The following CTNNA2 variants were observed in gnomAD, a reference collection of about 807,000 sequenced individuals.
The protein encoded by CTNNA2 is catenin alpha 2, also known as catenin alpha-2.
A neutral mutation model predicts 101.0 loss-of-function variants in CTNNA2; 42 were observed. The observed-to-expected ratio is 0.42, with a 90% confidence interval of 0.32 to 0.54. The LOEUF is 0.54. Among genes scored for constraint, CTNNA2 ranks in the 20% least tolerant of loss-of-function variants. The pLI, the probability that CTNNA2 is intolerant of heterozygous loss-of-function variation, is 0.14. For synonymous variants in CTNNA2, 450 were observed against 456.4 expected (o/e 0.99, Z 0.18); for missense variants, 871 against 1,223.1 (o/e 0.71, Z 4.29).
In CTNNA2 at chr2:80,306,552, T is replaced by C. The variant is rs142470104; in HGVS notation, c.1057-86659T>C. On this transcript the variant is annotated intron_variant, in intron 7 of 18. Coordinates refer to ENST00000402739, the MANE Select transcript of CTNNA2 (RefSeq NM_001282597.3). ...ACTCTGGATCAGGCATTTGCATGTT[T>C]CATCCTGGCACCTCCAAGGTGCTGC... Among the ~76,000 whole-genome samples, 447 of 152,096 alleles carry C rather than the reference T, an allele frequency of 2.9e-3. 3 individuals carry two copies. The highest frequency in any genetic ancestry group is 0.01 in the African/African-American group (420 of 41,466).
intron 9 of CTNNA2, among the ~76,000 whole-genome samples, chr2:80,454,407 G>T (rs891559372): frequency 1.3e-5 from 2 of 152,130 alleles, no homozygotes; most frequent in Non-Finnish European, 2.9e-5. Context: ...TTAGCACTTC[G>T]CAAACTGCTC....
intron 7 of CTNNA2, among the ~76,000 whole-genome samples, chr2:80,021,249 A>C (rs900910137): frequency 6.6e-6 from 1 of 151,862 alleles, no homozygotes; most frequent in Non-Finnish European, 1.5e-5. Flanking sequence ...TAAACTCTTG[A>C]GCTCAAGCAA....
chr2:79,656,348 A>C (rs183100984), intron 2 of CTNNA2, among the ~76,000 whole-genome samples: 41 of 152,302 alleles, frequency 2.7e-4, no homozygotes, highest in Non-Finnish European at 3.8e-4. Flanking sequence ...CCAAGGCCCC[A>C]GTTGTATCAA....
At chr2:80,028,149 C>T (rs1295605814) in intron 7 of CTNNA2, 3 of 152,092 alleles carry the variant, frequency 2.0e-5, no homozygotes, top group African/African-American at 4.8e-5. Context: ...CTGAAAGGAT[C>T]CTGGGATGGA....
intron 16 of CTNNA2, 38 bp downstream of exon 16, chr2:80,604,217 A>G (rs1697800654): frequency 1.3e-6 from 2 of 1,532,914 alleles, no homozygotes; most frequent in Non-Finnish European, 9.0e-7. Flanking sequence ...TGCTGAGTGG[A>G]GTCACTAATT....
Position 80,278,945 on chromosome 2 carries a change from A to T in CTNNA2, c.1057-114266A>T, listed in dbSNP as rs143409380. Among the ~76,000 whole-genome samples, 5 of 152,154 alleles carry T rather than the reference A, an allele frequency of 3.3e-5. 1 individual carries two copies. In the East Asian group the frequency reaches 9.7e-4, roughly 30 times the overall value. Reference sequence around the variant, plus strand: ...GTACCACTGCACTCTAGCCTGGGTGACAAAGTGAGACTCTGTCTCTTACAA... The same window carrying T: ...GTACCACTGCACTCTAGCCTGGGTGTCAAAGTGAGACTCTGTCTCTTACAA... On this transcript the variant is annotated intron_variant, in intron 7 of 18. Transcript: ENST00000402739.
rs1685408228 is a variant in CTNNA2 at position 79,706,731 on chromosome 2, GGT to G, written c.103-37654_103-37653del. ...GACTTGAAAGTATAAGAAAATCTTG[GGT>G]GGTGGGCAGGCACCCAGGTCATAGA... is the stretch of plus-strand genomic sequence containing the variant. On this transcript the variant is annotated intron_variant, in intron 2 of 18. Transcript: ENST00000402739. Among the ~76,000 whole-genome samples the G allele has an allele frequency of 2.6e-5, 4 of 152,158 alleles. No homozygotes were observed. In the South Asian group the frequency reaches 8.3e-4, roughly 32 times the overall value.
At chr2:79,230,790 G>T (rs759870758) in intron 2 of CTNNA2, among the ~76,000 whole-genome samples, 1 of 152,218 alleles carries the variant, frequency 6.6e-6, no homozygotes, top group Non-Finnish European at 1.5e-5. Context: ...AGCTGCCCAA[G>T]ACTATGGGAA....
chr2:80,171,335 T>TA (rs1263723681), intron 7 of CTNNA2, among the ~76,000 whole-genome samples: 1 of 152,224 alleles, frequency 6.6e-6, no homozygotes, highest in Non-Finnish European at 1.5e-5. Context: ...TGGGCACAGA[T>TA]ACCTTAGTAC....
chr2:79,469,426 T>C (rs1202450643), intron 4 of CTNNA2, among the ~76,000 whole-genome samples: 1 of 152,166 alleles, frequency 6.6e-6, no homozygotes, highest in African/African-American at 2.4e-5. Context: ...CCAGACGGAT[T>C]CACAGCCGAA....
At chr2:80,431,866 C>T (rs944679485) in intron 9 of CTNNA2, among the ~76,000 whole-genome samples, 7 of 151,874 alleles carry the variant, frequency 4.6e-5, no homozygotes, top group African/African-American at 1.5e-4. Flanking sequence ...CTGAGACCAT[C>T]GGTTTATAAA....
At chr2:79,772,024 C>CT (rs899176749) in intron 3 of CTNNA2, among the ~76,000 whole-genome samples, 16 of 141,850 alleles carry the variant, frequency 1.1e-4, no homozygotes, top group Middle Eastern at 3.5e-3. Flanking sequence ...CTCTCCTCTT[C>CT]TTTTTTTTTC....
chr2:80,484,922 C>G (rs927197105), intron 9 of CTNNA2, among the ~76,000 whole-genome samples: 2 of 152,048 alleles, frequency 1.3e-5, no homozygotes, highest in Non-Finnish European at 2.9e-5. Flanking sequence ...AGGAGAATGG[C>G]GTGAACCTGG....
chr2:80,313,509 T>C, intron 7 of CTNNA2: 1 of 1,586,514 alleles, frequency 6.3e-7, no homozygotes, highest in Non-Finnish European at 8.6e-7. Context: ...TTGAAGAGAT[T>C]TTTCTAGCTA....
rs180755464 is a variant in CTNNA2 at position 79,558,791 on chromosome 2, T to C, written c.-6+45584T>C. On this transcript the variant is annotated intron_variant, in intron 1 of 18. Transcript: ENST00000402739. Reference sequence around the variant, plus strand: ...AAACAATGGGAGCTTTTTATTTTCATTGGAGCTTGGGTAATGGTGGTGAAT... The same window carrying C: ...AAACAATGGGAGCTTTTTATTTTCACTGGAGCTTGGGTAATGGTGGTGAAT... Among the ~76,000 whole-genome samples, 65 of 152,060 alleles carry C rather than the reference T, an allele frequency of 4.3e-4. 1 individual carries two copies. In the South Asian group the frequency reaches 5.6e-3, roughly 13 times the overall value.
chr2:80,242,728 C>T (rs1034703300), intron 7 of CTNNA2, among the ~76,000 whole-genome samples: 2 of 152,128 alleles, frequency 1.3e-5, no homozygotes, highest in African/African-American at 4.8e-5. Context: ...AGATGCCTCC[C>T]TTATCCAGAT....
chr2:80,153,152 G>A (rs770166148), intron 7 of CTNNA2, among the ~76,000 whole-genome samples: 14 of 152,284 alleles, frequency 9.2e-5, no homozygotes, highest in Admixed American at 1.3e-4. Flanking sequence ...TGCTTGTGCC[G>A]GGAAAGGCAC....
At chr2:79,887,743 G>T (rs1284988532) in intron 6 of CTNNA2, among the ~76,000 whole-genome samples, 1 of 152,054 alleles carries the variant, frequency 6.6e-6, no homozygotes, top group Non-Finnish European at 1.5e-5. Context: ...CATCTTTAGG[G>T]CATAGTATCA....
chr2:79,676,175 G>A (rs751748139), intron 2 of CTNNA2, among the ~76,000 whole-genome samples: 1 of 152,204 alleles, frequency 6.6e-6, no homozygotes, highest in Non-Finnish European at 1.5e-5. Context: ...GAATGATAGA[G>A]AAGATATTTT....
Sources: allele counts gnomAD v4.1 joint callset (sites outside exome capture counted in the v4.1 genomes callset), GRCh38; gene constraint gnomAD v4.1.1; transcripts MANE v1.5; gene names NCBI Gene and HGNC (gene_info 2026-07-23, HGNC 2026-07-21).